The following PLCG2 variants were observed in gnomAD, a reference collection of about 807,000 sequenced individuals.
PLCG2 encodes phospholipase C gamma 2.
Under a neutral mutation model 175.6 loss-of-function variants are expected in PLCG2, and 69 were observed. That is an observed-to-expected ratio of 0.39 (90% CI 0.32 to 0.48). PLCG2 has a LOEUF of 0.48. PLCG2 is among the 20% of genes least tolerant of loss of function. PLCG2 has a pLI of 0.91. For missense variants in PLCG2, 1,798 were observed against 1,650.9 expected (o/e 1.09, Z -1.54); for synonymous variants, 827 against 624.0 (o/e 1.33, Z -4.85).
At chr16:81,802,657 T>C (rs1372618012) in intron 2 of PLCG2, among the ~76,000 whole-genome samples, 1 of 151,744 alleles carries the variant, frequency 6.6e-6, no homozygotes, top group Non-Finnish European at 1.5e-5. Flanking sequence ...CTACAACCTC[T>C]GCCTCCCAGG....
intron 2 of PLCG2, among the ~76,000 whole-genome samples, chr16:81,837,985 A>G (rs1905613963): frequency 6.6e-6 from 1 of 152,198 alleles, no homozygotes; most frequent in African/African-American, 2.4e-5. Flanking sequence ...AGCATCCTAT[A>G]TCTGCCATCA....
chr16:81,750,536 C>A (rs1448873239), intron 1 of PLCG2, among the ~76,000 whole-genome samples: 1 of 151,790 alleles, frequency 6.6e-6, no homozygotes, highest in African/African-American at 2.4e-5. Flanking sequence ...ATTGCAGCAT[C>A]ATTCATAATA....
intron 26 of PLCG2, 111 bp from the exon 27 acceptor site, chr16:81,936,058 G>GGA: frequency 6.7e-7 from 1 of 1,489,962 alleles, no homozygotes; most frequent in African/African-American, 1.4e-5. Context: ...TGTCAAAGAG[G>GGA]GAGATTCCTG....
chr16:81,920,098 A>G (rs1910000444), intron 20 of PLCG2, among the ~76,000 whole-genome samples: 1 of 152,344 alleles, frequency 6.6e-6, no homozygotes, highest in East Asian at 1.9e-4. Context: ...AGAGGAAGTC[A>G]GCATGGCCGG....
At chr16:81,857,536 G>C (rs1906746525) in intron 3 of PLCG2, among the ~76,000 whole-genome samples, 1 of 152,216 alleles carries the variant, frequency 6.6e-6, no homozygotes, top group Non-Finnish European at 1.5e-5. Flanking sequence ...TTGAGTTCTG[G>C]TGAGGGCTCT....
intron 2 of PLCG2, among the ~76,000 whole-genome samples, chr16:81,789,883 C>T (rs1597319871): frequency 1.3e-5 from 2 of 151,520 alleles, no homozygotes; most frequent in South Asian, 2.1e-4. Context: ...TTTGGATGCC[C>T]ACTGTAGGCG....
rs901728289 is a variant in PLCG2, at chr16:81,948,290, G to GGAAT, written c.3570+2030_3570+2033dup. ...CCATTAACTGGAATAGGCCTCCACT[G>GGAAT]GAATGATTTAACATGGTGAGATCCC... On this transcript the variant is annotated intron_variant, in intron 31 of 32. Coordinates refer to ENST00000564138, the MANE Select transcript of PLCG2 (RefSeq NM_002661.5). Among the ~76,000 whole-genome samples, 89 of 140,488 alleles carry GGAAT rather than the reference G, an allele frequency of 6.3e-4. 1 individual carries two copies. Among genetic ancestry groups the GGAAT allele is most frequent in the Non-Finnish European group, 1.7e-4 (10 of 60,012 alleles). 92.2% of individuals were successfully genotyped at this position (140,488 alleles called of 152,430 possible). A position where few individuals can be genotyped will look rare whatever the true frequency, so the allele number is the denominator to read the frequency against.
intron 2 of PLCG2, among the ~76,000 whole-genome samples, chr16:81,841,319 C>G (rs895772292): frequency 1.8e-4 from 27 of 152,012 alleles, no homozygotes; most frequent in African/African-American, 6.3e-4. Context: ...TCACTTCAAC[C>G]TCCGTCTCCT....
At chr16:81,742,177 A>G (rs1909610820) in intron 1 of PLCG2, among the ~76,000 whole-genome samples, 1 of 151,212 alleles carries the variant, frequency 6.6e-6, no homozygotes, top group South Asian at 2.1e-4. Context: ...GGTGTTGGCT[A>G]AAATTGAAAA....
chr16:81,823,750 G>A (rs1904911104), intron 2 of PLCG2, among the ~76,000 whole-genome samples: 1 of 147,316 alleles, frequency 6.8e-6, no homozygotes, highest in African/African-American at 2.5e-5. Context: ...GGCTGGCCTT[G>A]AATTCCTGGC....
intron 2 of PLCG2, among the ~76,000 whole-genome samples, chr16:81,844,061 C>T (rs989048432): frequency 9.3e-5 from 14 of 150,274 alleles, no homozygotes; most frequent in African/African-American, 3.4e-4. Flanking sequence ...ACTACAAGCT[C>T]TGCCTCCCGG....
At chr16:81,865,549 A>G (rs375427173) in intron 5 of PLCG2, among the ~76,000 whole-genome samples, 133 of 152,220 alleles carry the variant, frequency 8.7e-4, no homozygotes, top group African/African-American at 3.0e-3. Flanking sequence ...GGTTTTCTCC[A>G]CTTGTTCTTG....
At position 81,931,308 on chromosome 16, in the gene PLCG2, C is replaced by T. The variant is rs556366326; in HGVS notation, c.2582-189C>T. The T allele has an allele frequency of 1.4e-4, 66 of 482,144 alleles. No homozygotes were observed. In the East Asian group the frequency reaches 1.8e-3, roughly 13 times the overall value. 29.9% of individuals were successfully genotyped at this position (482,144 alleles called of 1,614,324 possible). On this transcript the variant is annotated intron_variant, in intron 24 of 32. Transcript: ENST00000564138. The stretch of plus-strand genomic sequence containing the variant: ...TTTTCGGAGGACCCTACTGAATCTA[C>T]TGCATCCCTTGAGTAGTCATCTGTG...
At chr16:81,833,666 A>G (rs866369110) in intron 2 of PLCG2, among the ~76,000 whole-genome samples, 1 of 151,798 alleles carries the variant, frequency 6.6e-6, no homozygotes, top group African/African-American at 2.4e-5. Flanking sequence ...AGTAGCTGGG[A>G]CCACAGGCAT....
chr16:81,751,789 C>A (rs536998330), intron 1 of PLCG2, among the ~76,000 whole-genome samples: 1 of 151,972 alleles, frequency 6.6e-6, no homozygotes, highest in Non-Finnish European at 1.5e-5. Context: ...TGGGAAGTCA[C>A]GGTGGGTGGA....
chr16:81,926,558 CT>C (rs1437737205), intron 22 of PLCG2, among the ~76,000 whole-genome samples: 2 of 152,166 alleles, frequency 1.3e-5, no homozygotes, highest in African/African-American at 4.8e-5. Context: ...TTACTGTGTA[CT>C]AGGTAGGCGC....
At chr16:81,920,127 G>T (rs769427916) in intron 20 of PLCG2, among the ~76,000 whole-genome samples, 19 of 152,210 alleles carry the variant, frequency 1.2e-4, no homozygotes, top group African/African-American at 2.9e-4. Flanking sequence ...CAGCCCAGGT[G>T]GGGGTAGAGC....
chr16:81,784,138 G>A (rs997832799), intron 1 of PLCG2, among the ~76,000 whole-genome samples: 2 of 152,206 alleles, frequency 1.3e-5, no homozygotes, highest in Non-Finnish European at 2.9e-5. Flanking sequence ...TCCTGCTGCT[G>A]GCATGGCTGA....
intron 2 of PLCG2, among the ~76,000 whole-genome samples, chr16:81,786,640 G>A (rs557388179): frequency 2.8e-4 from 43 of 152,320 alleles, no homozygotes; most frequent in African/African-American, 9.6e-4. Context: ...AGCAGGGAGA[G>A]TGAGTTGTTG....
Sources: gnomAD v4.1 joint callset for allele counts (sites outside exome capture counted in the v4.1 genomes callset) on GRCh38, gnomAD v4.1.1 for gene constraint, MANE v1.5 for transcripts, NCBI Gene and HGNC (gene_info 2026-07-23, HGNC 2026-07-21) for gene names.